KRT82: variants seen among roughly 807,000 people sequenced by gnomAD.
KRT82 encodes the protein keratin 82.
A neutral mutation model predicts 48.0 loss-of-function variants in KRT82; 44 were observed. That is an observed-to-expected ratio of 0.92 (90% CI 0.72 to 1.18). KRT82 has a LOEUF of 1.18. KRT82 is among the 50% of genes most tolerant of loss of function. KRT82 has a pLI of 0.00. For synonymous variants in KRT82, 297 were observed against 278.3 expected (o/e 1.07, Z -0.67); for missense variants, 701 against 671.4 (o/e 1.04, Z -0.49).
intron 5 of KRT82, 130 bp from the exon 6 acceptor site, chr12:52,397,138 T>TG: frequency 8.4e-7 from 1 of 1,192,576 alleles, no homozygotes; most frequent in Non-Finnish European, 1.2e-6. Flanking sequence ...ATACTGGTTC[T>TG]GCTCCTTTAC....
At chr12:52,404,066 AG>A (rs1289897776) in intron 1 of KRT82, among the ~76,000 whole-genome samples, 157 bp from the exon 2 acceptor site, 1 of 152,186 alleles carries the variant, frequency 6.6e-6, no homozygotes, top group Non-Finnish European at 1.5e-5. Context: ...CTGGCATCTG[AG>A]GGCATGTGTG....
rs1251456376 is a variant in KRT82, at chr12:52,397,022, G to T, written c.943-14C>A. The T allele has an allele frequency of 1.2e-6, 2 of 1,613,048 alleles. No individual in the cohort carries two copies. The highest frequency in any genetic ancestry group is 1.1e-5 in the South Asian group (1 of 91,062). The stretch of plus-strand genomic sequence containing the variant: ...CAGCTCCTCATACTGCCAGGACAGA[G>T]AGGTCAGAGCCCCAGGCCCCACAAG... On this transcript the variant is annotated splice_polypyrimidine_tract_variant and intron_variant, in intron 5 of 8. Coordinates refer to ENST00000257974, the MANE Select transcript of KRT82 (RefSeq NM_033033.4).
intron 2 of KRT82, among the ~76,000 whole-genome samples, chr12:52,402,589 C>T (rs1939803757): frequency 6.6e-6 from 1 of 152,358 alleles, no homozygotes; most frequent in Non-Finnish European, 1.5e-5. Context: ...ATCGCACCTC[C>T]TCCAGGAAGG....
At chr12:52,398,392 C>T (rs1939741583) in intron 5 of KRT82, among the ~76,000 whole-genome samples, 1 of 151,998 alleles carries the variant, frequency 6.6e-6, no homozygotes, top group South Asian at 2.1e-4. Context: ...TCCTGGGTCC[C>T]TGATGATGTC....
intron 6 of KRT82, 72 bp downstream of exon 6, chr12:52,396,811 G>C: frequency 6.3e-7 from 1 of 1,575,714 alleles, no homozygotes; most frequent in South Asian, 1.1e-5. Context: ...GATTGAACCC[G>C]CCCTGCACGG....
At chr12:52,401,197 C>G in intron 3 of KRT82, 92 bp downstream of exon 3, 1 of 1,039,900 alleles carries the variant, frequency 9.6e-7, no homozygotes. Flanking sequence ...AGTGGGTGGG[C>G]TGCAGACACG....
rs191783127 is a variant in KRT82 at position 52,400,220 on chromosome 12, G to A, written c.778-71C>T. 398 of 1,465,292 alleles carry A rather than the reference G, an allele frequency of 2.7e-4. 5 individuals carry two copies. In the Admixed American group the frequency reaches 6.3e-3, roughly 23 times the overall value. The allele number at this position is 1,465,292 out of a possible 1,614,324, so 90.8% of individuals were successfully genotyped here. A position where few individuals can be genotyped will look rare whatever the true frequency, so the allele number is the denominator to read the frequency against. On this transcript the variant is annotated intron_variant, in intron 4 of 8. Coordinates refer to ENST00000257974, the MANE Select transcript of KRT82 (RefSeq NM_033033.4). ...CGGGGACAGGAGAAGGGGAGAACCC[G>A]TTCTGACCTTCCCAGAGCAGAGTGC...
rs1939849609 is a variant in KRT82 at position 52,406,057 on chromosome 12, G to T, written c.221C>A (p.Thr74Asn). ...CAGTCGGTACCCGAAGCCAGGCAGG[G>T]TACCTCCACACCTGGAGGCTACCCG... Reference protein sequence around the residue: ...RPRVASRCGGTLPGFGYRLGA... With the variant: ...RPRVASRCGGNLPGFGYRLGA... Residue 74 changes from threonine (T) to asparagine (N), a missense_variant, in exon 1 of 9, where the codon ACC becomes AAC. Coordinates refer to ENST00000257974, the MANE Select transcript of KRT82 (RefSeq NM_033033.4). 1 of 1,614,088 alleles carries T rather than the reference G, an allele frequency of 6.2e-7. No homozygotes were observed. The highest frequency in any genetic ancestry group is 1.1e-5 in the South Asian group (1 of 91,088).
At chr12:52,404,975 T>C (rs79840291) in intron 1 of KRT82, among the ~76,000 whole-genome samples, 1 of 152,130 alleles carries the variant, frequency 6.6e-6, no homozygotes, top group East Asian at 1.9e-4. Flanking sequence ...GCTCCTGACC[T>C]CTGGCCCAGG....
Position 52,405,981 on chromosome 12 carries a change from C to T in KRT82, c.297G>A (p.Glu99=), listed in dbSNP as rs764857177. The stretch of plus-strand genomic sequence containing the variant: ...CCAGTGCCAGTGGGACCAGCAGGCT[C>T]TCATTGATGGTGACAGGGGTGATGC... ...SACITPVTIN[E]SLLVPLALEI... Residue 99 remains glutamate, a synonymous_variant, in exon 1 of 9, where the codon GAG becomes GAA. Coordinates refer to ENST00000257974, the MANE Select transcript of KRT82 (RefSeq NM_033033.4). The T allele has an allele frequency of 6.2e-7, 1 of 1,614,244 alleles. No homozygotes were observed. The highest frequency in any genetic ancestry group is 8.5e-7 in the Non-Finnish European group (1 of 1,180,040).
At chr12:52,395,292 G>T in intron 8 of KRT82, 97 bp from the exon 9 acceptor site, 2 of 956,712 alleles carry the variant, frequency 2.1e-6, no homozygotes, top group South Asian at 3.1e-5. Context: ...CCCACCTCCT[G>T]CCACTCACCT....
chr12:52,400,578 G>T lies in KRT82; in HGVS notation c.726C>A (p.Asn242Lys), dbSNP rs370016325. ...AFLMKADLET[N>K]AEALVQEIDF... is the part of the protein sequence containing the mutation. ...CGATCTCCTGCACGAGTGCCTCTGC[G>T]TTGGTCTCCAGGTCAGCCTTCATCA... The change falls in exon 4 of 9, where the codon AAC (asparagine) becomes AAA (lysine). Residue 242 changes from asparagine (N) to lysine (K), a missense_variant. Physicochemically the swap from Asn to Lys is moderately conservative, Grantham distance 94. Coordinates refer to ENST00000257974, the MANE Select transcript of KRT82 (RefSeq NM_033033.4). The T allele has an allele frequency of 8.7e-6, 14 of 1,613,964 alleles. No individual in the cohort carries two copies. The highest frequency in any genetic ancestry group is 3.3e-5 in the Admixed American group (2 of 60,010).
rs1453638208 is a variant in KRT82 at position 52,394,098 on chromosome 12, A to C, written c.*877T>G. 2 of 152,336 alleles carry C rather than the reference A, an allele frequency of 1.3e-5. No homozygotes were observed. Among genetic ancestry groups the C allele is most frequent in the Admixed American group, 1.3e-4 (2 of 15,290 alleles). 9.4% of individuals were successfully genotyped at this position (152,336 alleles called of 1,614,324 possible). ...TATGAGCTCCTGAGCCAGGGCCTCC[A>C]AGTCAGCTGGGGCAGCCCCACATCA... On this transcript the variant is annotated 3_prime_UTR_variant, in exon 9 of 9. Coordinates refer to ENST00000257974, the MANE Select transcript of KRT82 (RefSeq NM_033033.4).
At chr12:52,404,352 T>C (rs1181150301) in intron 1 of KRT82, among the ~76,000 whole-genome samples, 5 of 152,166 alleles carry the variant, frequency 3.3e-5, no homozygotes, top group Admixed American at 3.3e-4. Context: ...GGGTCGAGGC[T>C]TTCCTTTATG....
At chr12:52,398,658 A>C (rs1219380361) in intron 5 of KRT82, among the ~76,000 whole-genome samples, 1 of 152,056 alleles carries the variant, frequency 6.6e-6, no homozygotes, top group Non-Finnish European at 1.5e-5. Context: ...AGCCAGAGTG[A>C]AACCTGGCCG....
At chr12:52,395,865 C>G in intron 7 of KRT82, 75 bp from the exon 8 acceptor site, 1 of 1,467,674 alleles carries the variant, frequency 6.8e-7, no homozygotes, top group Non-Finnish European at 9.3e-7. Context: ...TCCCCGCTCC[C>G]GCCCTCATTG....
rs148287450 is a variant in KRT82 at position 52,406,100 on chromosome 12, C to A, written c.178G>T (p.Val60Leu). The change falls in exon 1 of 9, where the codon GTG (valine) becomes TTG (leucine). Residue 60 changes from valine to leucine, a missense_variant. Transcript: ENST00000257974. ...GCLGSRSLCNVGFGRPRVASR... is the reference protein window; with the variant it reads ...GCLGSRSLCNLGFGRPRVASR... ...GCTACCCGGGGCCTCCCAAAGCCCACGTTGCACAGGCTCCGTGAGCCAAGG... is the reference window on the plus strand; with the variant it reads ...GCTACCCGGGGCCTCCCAAAGCCCAAGTTGCACAGGCTCCGTGAGCCAAGG... 1.2e-6 allele frequency: 2 copies of A among 1,613,200 alleles called. No homozygotes were observed. Among genetic ancestry groups the A allele is most frequent in the Non-Finnish European group, 1.7e-6 (2 of 1,179,858 alleles).
chr12:52,401,224 G>T, intron 3 of KRT82, 65 bp downstream of exon 3: 1 of 1,392,608 alleles, frequency 7.2e-7, no homozygotes. Flanking sequence ...CTGAGTTCAG[G>T]GCTAGGTGGC....
In KRT82 at chr12:52,403,883, C is replaced by G. The variant is rs1421054874; in HGVS notation, c.438G>C (p.Lys146Asn). 1 of 1,613,964 alleles carries G rather than the reference C, an allele frequency of 6.2e-7. No individual in the cohort carries two copies. Among genetic ancestry groups the G allele is most frequent in the South Asian group, 1.1e-5 (1 of 91,070 alleles). Residue 146 changes from lysine to asparagine, a missense_variant, in exon 2 of 9, where the codon AAG becomes AAC. By Grantham distance (94) the Lys-to-Asn change is moderately conservative. Transcript: ENST00000257974. The stretch of plus-strand genomic sequence containing the variant: ...TGAAGTTCCACTTGGTCTCCAGCAG[C>G]TTGTTCTTCTGCTCCAGGAAACGGA... ...NKVRFLEQKN[K>N]LLETKWNFMQ... is the part of the protein sequence containing the mutation.
Sources: allele counts gnomAD v4.1 joint callset (sites outside exome capture counted in the v4.1 genomes callset), GRCh38; gene constraint gnomAD v4.1.1; transcripts MANE v1.5; gene names NCBI Gene and HGNC (gene_info 2026-07-23, HGNC 2026-07-21).